Variants in DNAJC1 observed in about 807,000 individuals in gnomAD.
The protein encoded by DNAJC1 is DnaJ heat shock protein family (Hsp40) member C1.
A neutral mutation model predicts 76.6 loss-of-function variants in DNAJC1; 58 were observed. The ratio of observed to expected loss-of-function variants is 0.76; its 90% CI spans 0.61 to 0.94. The LOEUF is 0.94. Ranked by LOEUF, DNAJC1 falls within the 40% of genes least tolerant of loss-of-function variation. DNAJC1 has a pLI of 0.00. For missense variants in DNAJC1, 689 were observed against 677.3 expected (o/e 1.02, Z -0.19); for synonymous variants, 258 against 267.9 (o/e 0.96, Z 0.36).
chr10:21,866,734 A>G (rs1836007614), intron 8 of DNAJC1, among the ~76,000 whole-genome samples: 1 of 152,138 alleles, frequency 6.6e-6, no homozygotes, highest in Non-Finnish European at 1.5e-5. Context: ...CAATTCTCTC[A>G]GTACATCAAA....
In DNAJC1 at chr10:21,759,872, T is replaced by C. The variant is rs935019604; in HGVS notation, c.1148-254A>G. ...CTGTCTGATTCCAAGCCTTTGTCCCTTTCTCTACTCTGAGGAATAATGGGT... is the reference window on the plus strand; with the variant it reads ...CTGTCTGATTCCAAGCCTTTGTCCCCTTCTCTACTCTGAGGAATAATGGGT... On this transcript the variant is annotated intron_variant, in intron 10 of 11. Transcript: ENST00000376980. Among the ~76,000 whole-genome samples the C allele has an allele frequency of 8.5e-5, 13 of 152,238 alleles. No homozygotes were observed. In the East Asian group the frequency reaches 2.1e-3, roughly 25 times the overall value.
chr10:21,822,520 T>C (rs1490060369), intron 8 of DNAJC1, among the ~76,000 whole-genome samples: 3 of 151,960 alleles, frequency 2.0e-5, no homozygotes, highest in African/African-American at 4.8e-5. Context: ...TTATGCTCTG[T>C]TTTTAAGAAA....
chr10:21,985,891 G>A (rs1466016307), intron 1 of DNAJC1, among the ~76,000 whole-genome samples: 2 of 152,046 alleles, frequency 1.3e-5, no homozygotes, highest in Admixed American at 1.3e-4. Context: ...GGATACCTAG[G>A]AGGAACTGAG....
chr10:21,856,607 A>T (rs942117762), intron 8 of DNAJC1, among the ~76,000 whole-genome samples: 4 of 152,046 alleles, frequency 2.6e-5, no homozygotes, highest in Non-Finnish European at 5.9e-5. Flanking sequence ...AGAACCAATT[A>T]AAAAAAATTT....
intron 8 of DNAJC1, chr10:21,865,979 AC>A (rs1278396009): frequency 6.6e-6 from 1 of 152,030 alleles, no homozygotes; most frequent in Non-Finnish European, 1.5e-5. Context: ...TACTAAAAAT[AC>A]AAAAATTAGC....
intron 7 of DNAJC1, among the ~76,000 whole-genome samples, chr10:21,893,633 T>A (rs548629960): frequency 1.6e-4 from 24 of 151,446 alleles, no homozygotes; most frequent in Admixed American, 1.3e-3. Context: ...TTAAAAAAAA[T>A]AATAATAAAT....
At chr10:21,981,308 A>G (rs1838153777) in intron 1 of DNAJC1, among the ~76,000 whole-genome samples, 1 of 152,182 alleles carries the variant, frequency 6.6e-6, no homozygotes, top group African/African-American at 2.4e-5. Flanking sequence ...TGATAATTCT[A>G]TCATTTACTC....
rs1837012284 is a variant in DNAJC1, at chr10:21,919,868, T to A, written c.599A>T (p.Asp200Val). The change falls in exon 5 of 12, where the codon GAT becomes GTT. Residue 200 changes from aspartate (D) to valine (V), a missense_variant. Transcript: ENST00000376980. ...KKKKTGSKSV[D>V]VSKLGASEKN... Reference sequence around the variant, plus strand: ...TTCTGAAGCACCGAGTTTTGATACATCCACACTCTTGCTGCCAGTCTTTTT... The same window carrying A: ...TTCTGAAGCACCGAGTTTTGATACAACCACACTCTTGCTGCCAGTCTTTTT... The A allele has an allele frequency of 6.2e-7, 1 of 1,609,672 alleles. No individual in the cohort carries two copies. Among genetic ancestry groups the A allele is most frequent in the Non-Finnish European group, 8.5e-7 (1 of 1,178,784 alleles).
At chr10:21,787,993 A>C (rs908888145) in intron 9 of DNAJC1, among the ~76,000 whole-genome samples, 3 of 152,180 alleles carry the variant, frequency 2.0e-5, no homozygotes, top group Non-Finnish European at 2.9e-5. Flanking sequence ...TTCATCCCTG[A>C]GGCTACCCCA....
intron 3 of DNAJC1, among the ~76,000 whole-genome samples, chr10:21,921,298 TGAAGTCAGCAACAA>T (rs1287582843): frequency 1.3e-5 from 2 of 151,842 alleles, no homozygotes; most frequent in Non-Finnish European, 2.9e-5. Context: ...ACTCTACCAT[TGAAGTCAGCAACAA>T]AAAGGAGGAT....
chr10:21,928,361 A>G (rs1837163611), intron 3 of DNAJC1, 145 bp downstream of exon 3: 1 of 686,768 alleles, frequency 1.5e-6, no homozygotes, highest in Non-Finnish European at 2.4e-6. Flanking sequence ...TGCTTCAAAC[A>G]CACATTTTTA....
intron 9 of DNAJC1, among the ~76,000 whole-genome samples, chr10:21,775,057 T>C (rs901938309): frequency 6.6e-6 from 1 of 152,206 alleles, no homozygotes; most frequent in East Asian, 1.9e-4. Context: ...TCTATCACAA[T>C]TTAGCTTATC....
chr10:21,889,250 A>T (rs534800577), intron 7 of DNAJC1, among the ~76,000 whole-genome samples: 1 of 152,252 alleles, frequency 6.6e-6, no homozygotes, highest in South Asian at 2.1e-4. Context: ...AAACAAGCAG[A>T]TCTCATGAGA....
intron 7 of DNAJC1, among the ~76,000 whole-genome samples, chr10:21,883,561 C>T (rs376701921): frequency 3.9e-4 from 59 of 152,048 alleles, no homozygotes; most frequent in African/African-American, 1.3e-3. Context: ...ATATTGAAAA[C>T]ATCCTTAATT....
At chr10:21,894,063 T>C (rs1414060453) in intron 7 of DNAJC1, among the ~76,000 whole-genome samples, 1 of 152,112 alleles carries the variant, frequency 6.6e-6, no homozygotes, top group African/African-American at 2.4e-5. Context: ...AAAAGACCAA[T>C]TGCTCAAAAA....
chr10:21,780,098 A>G (rs1407263104), intron 9 of DNAJC1, among the ~76,000 whole-genome samples: 1 of 152,226 alleles, frequency 6.6e-6, no homozygotes, highest in Non-Finnish European at 1.5e-5. Context: ...GACTATGTGA[A>G]AAGACCAAAT....
At chr10:21,856,087 G>A (rs1323772790) in intron 8 of DNAJC1, among the ~76,000 whole-genome samples, 1 of 152,130 alleles carries the variant, frequency 6.6e-6, no homozygotes, top group African/African-American at 2.4e-5. Flanking sequence ...GGTTGAATTA[G>A]ACTTAGAGTG....
chr10:21,903,263 T>C (rs1433397792), intron 7 of DNAJC1, among the ~76,000 whole-genome samples: 4 of 152,296 alleles, frequency 2.6e-5, no homozygotes, highest in Middle Eastern at 3.4e-3. Context: ...CTTCTCCTTG[T>C]GATTAGTCTG....
rs924988639 is a variant in DNAJC1, at chr10:21,768,828, C to T, written c.1099-2519G>A. Among the ~76,000 whole-genome samples the T allele has an allele frequency of 5.3e-5, 8 of 152,224 alleles. No homozygotes were observed. In the East Asian group the frequency reaches 1.5e-3, roughly 29 times the overall value. ...TTATCCTAATTCAAAGAAATAAATGCATTCCTTCCCCTTGAGGCTAAATCT... is the reference window on the plus strand; with the variant it reads ...TTATCCTAATTCAAAGAAATAAATGTATTCCTTCCCCTTGAGGCTAAATCT... On this transcript the variant is annotated intron_variant, in intron 9 of 11. Coordinates refer to ENST00000376980, the MANE Select transcript of DNAJC1 (RefSeq NM_022365.4).
Sources: allele counts gnomAD v4.1 joint callset (sites outside exome capture counted in the v4.1 genomes callset), GRCh38; gene constraint gnomAD v4.1.1; transcripts MANE v1.5; gene names NCBI Gene and HGNC (gene_info 2026-07-23, HGNC 2026-07-21).